NBDY: variants seen among roughly 807,000 people sequenced by gnomAD.
NBDY encodes the protein negative regulator of P-body association, also known as P-body dissociating protein.
intron 2 of NBDY, among the ~76,000 whole-genome samples, chrX:56,742,940 G>A: frequency 9.0e-6 from 1 of 111,325 alleles, no homozygotes; most frequent in Non-Finnish European, 1.9e-5. Flanking sequence ...TCCCTATTTG[G>A]TATGATACTA....
At chrX:56,757,330 G>A (rs1012460239) in intron 2 of NBDY, among the ~76,000 whole-genome samples, 2 of 111,938 alleles carry the variant, frequency 1.8e-5, no homozygotes, top group Non-Finnish European at 3.8e-5. Context: ...TAAAATGCAC[G>A]TTGATTAAAT....
chrX:56,730,504 A>T (rs1233966453), intron 1 of NBDY, among the ~76,000 whole-genome samples: 1 of 72,015 alleles, frequency 1.4e-5, no homozygotes, highest in Non-Finnish European at 2.7e-5. Flanking sequence ...ATAGCAAAAA[A>T]CTACGTCTCA....
intron 2 of NBDY, among the ~76,000 whole-genome samples, chrX:56,753,808 T>C (rs184643146): frequency 8.6e-4 from 96 of 111,033 alleles, no homozygotes; most frequent in African/African-American, 2.7e-3. Context: ...AAAAAAAACA[T>C]TGAGTCTATC....
At chrX:56,785,468 G>C (rs781185457) in intron 2 of NBDY, among the ~76,000 whole-genome samples, 1 of 111,241 alleles carries the variant, frequency 9.0e-6, no homozygotes, top group Non-Finnish European at 1.9e-5. Context: ...TGTCTGGCCA[G>C]ACACCTTCAT....
In NBDY at chrX:56,729,580, C is replaced by T; in HGVS notation, c.*20C>T. 3.4e-6 allele frequency: 1 copy of T among 296,048 alleles called. No individual in the cohort carries two copies. Among genetic ancestry groups the T allele is most frequent in the Admixed American group, 6.2e-5 (1 of 16,257 alleles). 24.4% of individuals were successfully genotyped at this position (296,048 alleles called of 1,213,427 possible). A position where few individuals can be genotyped will look rare whatever the true frequency, so the allele number is the denominator to read the frequency against. On this transcript the variant is annotated 3_prime_UTR_variant, in exon 1 of 3. Coordinates refer to ENST00000374922, the MANE Select transcript of NBDY (RefSeq NM_001348129.2). ...AAGTAGAGAAATAAATTTCTCCCAC[C>T]CTAAACCAGGTCAGATTCTTTCTCA...
At chrX:56,811,348 A>AC (rs2069885476) in intron 2 of NBDY, among the ~76,000 whole-genome samples, 2 of 111,377 alleles carry the variant, frequency 1.8e-5, no homozygotes, top group African/African-American at 6.5e-5. Flanking sequence ...CTGAAGCTGC[A>AC]CCCCCAACTG....
At chrX:56,737,188 T>C (rs1038469424) in intron 2 of NBDY, 3 of 695,538 alleles carry the variant, frequency 4.3e-6, no homozygotes, top group Non-Finnish European at 7.0e-6. Context: ...AAATTGTTTG[T>C]TTCAAGTTTA....
intron 2 of NBDY, among the ~76,000 whole-genome samples, chrX:56,754,023 G>C (rs2069598422): frequency 9.0e-6 from 1 of 111,024 alleles, no homozygotes; most frequent in Non-Finnish European, 1.9e-5. Context: ...CAAGGTTAAA[G>C]GAACCATCTT....
chrX:56,804,055 C>T (rs2069837334), intron 2 of NBDY, among the ~76,000 whole-genome samples: 1 of 109,649 alleles, frequency 9.1e-6, no homozygotes, highest in South Asian at 4.0e-4. Flanking sequence ...GCACTGGGGG[C>T]AATGTGAAGG....
chrX:56,737,586 G>T, intron 2 of NBDY: 1 of 586,471 alleles, frequency 1.7e-6, no homozygotes, highest in East Asian at 3.5e-5. Flanking sequence ...ATTTTGACCT[G>T]CTTTAATTTT....
rs5902560 is a variant in NBDY at position 56,801,977 on chromosome X, G to GAC, written c.*167-15305_*167-15304dup. On this transcript the variant is annotated intron_variant, in intron 2 of 2. Coordinates refer to ENST00000374922, the MANE Select transcript of NBDY (RefSeq NM_001348129.2). Reference sequence around the variant, plus strand: ...ACACATGCACACTCACAAACTCATAGACACACACACACACACACACACACA... The same window carrying GAC: ...ACACATGCACACTCACAAACTCATAGACACACACACACACACACACACACACA... Among the ~76,000 whole-genome samples, 779 of 99,605 alleles carry GAC rather than the reference G, an allele frequency of 7.8e-3. 6 individuals are homozygous for GAC. The highest frequency in any genetic ancestry group is 0.014 in the East Asian group (44 of 3,052). 86.5% of individuals were successfully genotyped at this position (99,605 alleles called of 115,157 possible). A position where few individuals can be genotyped will look rare whatever the true frequency, so the allele number is the denominator to read the frequency against.
At chrX:56,792,232 G>A (rs2069768368) in intron 2 of NBDY, among the ~76,000 whole-genome samples, 1 of 111,178 alleles carries the variant, frequency 9.0e-6, no homozygotes, top group South Asian at 3.8e-4. Context: ...TAAGTAAAAT[G>A]TCGTGGTGAA....
intron 2 of NBDY, among the ~76,000 whole-genome samples, chrX:56,746,486 A>T (rs2146716623): frequency 9.0e-6 from 1 of 111,210 alleles, no homozygotes; most frequent in East Asian, 2.8e-4. Flanking sequence ...AAATTTAGAA[A>T]TTTAAAAGAA....
chrX:56,761,615 G>A (rs186928892), intron 2 of NBDY, among the ~76,000 whole-genome samples: 82 of 113,282 alleles, frequency 7.2e-4, no homozygotes, highest in Middle Eastern at 9.1e-3. Context: ...TATACTTTTG[G>A]AGTTTTTCTT....
intron 2 of NBDY, among the ~76,000 whole-genome samples, chrX:56,800,685 TC>T (rs1356562847): frequency 8.9e-6 from 1 of 111,799 alleles, no homozygotes; most frequent in Non-Finnish European, 1.9e-5. Context: ...GAGTTTTTCT[TC>T]CTTCACTTTT....
At chrX:56,789,606 G>C in intron 2 of NBDY, among the ~76,000 whole-genome samples, 1 of 111,938 alleles carries the variant, frequency 8.9e-6, no homozygotes, top group East Asian at 2.8e-4. Flanking sequence ...GGAGCAGCAG[G>C]GAGTTGGGTC....
At chrX:56,797,437 C>T (rs1244226018) in intron 2 of NBDY, among the ~76,000 whole-genome samples, 1 of 109,252 alleles carries the variant, frequency 9.2e-6, no homozygotes, top group Non-Finnish European at 1.9e-5. Flanking sequence ...CCTTCTGCAG[C>T]TCTAGGCCTC....
At chrX:56,810,118 A>G (rs758213040) in intron 2 of NBDY, among the ~76,000 whole-genome samples, 49 of 111,554 alleles carry the variant, frequency 4.4e-4, no homozygotes, top group Non-Finnish European at 7.2e-4. Flanking sequence ...CTCCCGAGAG[A>G]CCTGCTGTTA....
In NBDY at chrX:56,818,252, G is replaced by A. The variant is rs541148367; in HGVS notation, c.*1099G>A. 1 of 111,612 alleles carries A rather than the reference G, an allele frequency of 9.0e-6. No homozygotes were observed. Among genetic ancestry groups the A allele is most frequent in the African/African-American group, 3.2e-5 (1 of 30,937 alleles). The allele number at this position is 111,612 out of a possible 1,213,427, so 9.2% of individuals were successfully genotyped here. ...AAAATATAAAATAATAATACAATTT[G>A]TTCAAATAAGTAATTAAAGCTTACA... On this transcript the variant is annotated 3_prime_UTR_variant, in exon 3 of 3. Transcript: ENST00000374922.
Sources: allele counts gnomAD v4.1 joint callset (sites outside exome capture counted in the v4.1 genomes callset), GRCh38; gene constraint gnomAD v4.1.1; transcripts MANE v1.5; gene names NCBI Gene and HGNC (gene_info 2026-07-23, HGNC 2026-07-21).